Variants in PDE8A observed in about 807,000 individuals in gnomAD.
The protein encoded by PDE8A is phosphodiesterase 8A, also known as high affinity cAMP-specific and IBMX-insensitive 3',5'-cyclic phosphodiesterase 8A.
Under a neutral mutation model 105.0 loss-of-function variants are expected in PDE8A, and 59 were observed. The observed-to-expected ratio is 0.56, with a 90% CI of 0.46 to 0.70. PDE8A has a LOEUF of 0.70. Ranked by LOEUF, PDE8A falls within the 30% of genes least tolerant of loss-of-function variation. The probability of loss-of-function intolerance (pLI) is 0.00; values close to 1 mark genes in which losing one functional copy is unlikely to be tolerated. For missense variants in PDE8A, 1,014 were observed against 1,045.9 expected, an observed-to-expected ratio of 0.97 and a Z score of 0.42; for synonymous variants, 355 against 371.9, an observed-to-expected ratio of 0.95 and a Z score of 0.52.
intron 1 of PDE8A, among the ~76,000 whole-genome samples, chr15:85,062,133 A>C (rs949029776): frequency 1.3e-5 from 2 of 151,988 alleles, no homozygotes; most frequent in African/African-American, 4.8e-5. Flanking sequence ...TTTTCATTTG[A>C]ATTGGCTGTA....
intron 1 of PDE8A, among the ~76,000 whole-genome samples, chr15:85,046,240 G>C (rs1452968439): frequency 6.6e-6 from 1 of 151,856 alleles, no homozygotes; most frequent in East Asian, 1.9e-4. Flanking sequence ...GTAGAGACAG[G>C]GTTTTACTAT....
intron 11 of PDE8A, among the ~76,000 whole-genome samples, chr15:85,105,887 C>A (rs563924079): frequency 6.6e-6 from 1 of 152,254 alleles, no homozygotes; most frequent in East Asian, 1.9e-4. Context: ...TCATCTTCAA[C>A]CTCTTGGTGT....
At chr15:85,113,551 C>A in intron 13 of PDE8A, 104 bp downstream of exon 13, 2 of 1,004,682 alleles carry the variant, frequency 2.0e-6, no homozygotes, top group Non-Finnish European at 1.6e-6. Flanking sequence ...AATGAGCATG[C>A]TGTCATAGTT....
intron 1 of PDE8A, among the ~76,000 whole-genome samples, chr15:84,985,438 G>A (rs1278065682): frequency 1.3e-5 from 2 of 152,144 alleles, no homozygotes; most frequent in Non-Finnish European, 2.9e-5. Flanking sequence ...CAGTGTGAGT[G>A]AGCCTTAACT....
At chr15:85,030,642 T>G (rs2080599025) in intron 1 of PDE8A, among the ~76,000 whole-genome samples, 1 of 152,192 alleles carries the variant, frequency 6.6e-6, no homozygotes, top group South Asian at 2.1e-4. Context: ...GAATCCTCCA[T>G]TTCAACCATA....
chr15:85,110,500 G>A lies in PDE8A; in HGVS notation c.1114+1370G>A, dbSNP rs185066710. On this transcript the variant is annotated intron_variant, in intron 12 of 21. Transcript: ENST00000394553. ...GAAGCAACCATTGATGGCTAGCACCGTAAATTAATTCGGCCTCTCCTTGTG... is the reference window on the plus strand; with the variant it reads ...GAAGCAACCATTGATGGCTAGCACCATAAATTAATTCGGCCTCTCCTTGTG... Among the ~76,000 whole-genome samples, 159 of 152,274 alleles carry A rather than the reference G, an allele frequency of 1.0e-3. 1 individual carries two copies. The highest frequency in any genetic ancestry group is 3.4e-3 in the African/African-American group (143 of 41,574).
At chr15:85,115,935 A>AAT in intron 15 of PDE8A, 49 bp from the exon 16 acceptor site, 1 of 1,521,288 alleles carries the variant, frequency 6.6e-7, no homozygotes, top group Non-Finnish European at 9.0e-7. Context: ...AAAAAAAAAA[A>AAT]GTTAATCCTT....
intron 6 of PDE8A, among the ~76,000 whole-genome samples, chr15:85,085,108 C>T (rs919274052): frequency 3.3e-5 from 5 of 152,146 alleles, no homozygotes; most frequent in African/African-American, 1.2e-4. Context: ...GATAGGCACC[C>T]ACTGCGTTCA....
chr15:85,005,206 C>T lies in PDE8A; in HGVS notation c.186+22858C>T, dbSNP rs549279254. Among the ~76,000 whole-genome samples the T allele has an allele frequency of 5.0e-4, 76 of 152,192 alleles. 1 individual carries two copies. Among genetic ancestry groups the T allele is most frequent in the South Asian group, 2.1e-4 (1 of 4,814 alleles). ...AGTGGCATGATCACAGCTTGAGCTC[C>T]TGGGCTCAAATGATCCTCTCACCTC... On this transcript the variant is annotated intron_variant, in intron 1 of 21. Coordinates refer to ENST00000394553, the MANE Select transcript of PDE8A (RefSeq NM_002605.3).
chr15:85,111,049 G>A lies in PDE8A; in HGVS notation c.1114+1919G>A, dbSNP rs2082013965. ...AATCCTCTTCTGAAGTGTCATTCAG[G>A]TCTTTTGCCCATTTTTATAATTGGG... On this transcript the variant is annotated intron_variant, in intron 12 of 21. Coordinates refer to ENST00000394553, the MANE Select transcript of PDE8A (RefSeq NM_002605.3). Among the ~76,000 whole-genome samples, 5 of 152,102 alleles carry A rather than the reference G, an allele frequency of 3.3e-5. No individual in the cohort carries two copies. In the South Asian group the frequency reaches 8.3e-4, roughly 25 times the overall value.
intron 6 of PDE8A, among the ~76,000 whole-genome samples, chr15:85,084,124 A>G (rs1486333397): frequency 1.3e-5 from 2 of 152,118 alleles, no homozygotes; most frequent in African/African-American, 2.4e-5. Flanking sequence ...AGAAAAATTA[A>G]TATAATTTTA....
At chr15:85,123,867 CGAAA>C (rs887613080) in intron 19 of PDE8A, among the ~76,000 whole-genome samples, 4 of 152,176 alleles carry the variant, frequency 2.6e-5, no homozygotes, top group Non-Finnish European at 4.4e-5. Context: ...TGGGAAAACT[CGAAA>C]GGAAGGTCAG....
Position 85,117,732 on chromosome 15 carries a change from C to A in PDE8A, c.1627C>A (p.Gln543Lys). 1.2e-6 allele frequency: 2 copies of A among 1,613,886 alleles called. No individual in the cohort carries two copies. Among genetic ancestry groups the A allele is most frequent in the African/African-American group, 1.3e-5 (1 of 75,058 alleles). The change falls in exon 17 of 22, where the codon CAA becomes AAA. Residue 543 changes from glutamine to lysine, a missense_variant. Gln to Lys is a moderately conservative substitution (Grantham distance 53). Transcript: ENST00000394553. ...CGAGTCAACGCTAAGATCATGGTTA[C>A]AAATTATCGAAGCCAATTATCATTC... is the stretch of plus-strand genomic sequence containing the variant. Reference protein sequence around the residue: ...CSESTLRSWLQIIEANYHSSN... With the variant: ...CSESTLRSWLKIIEANYHSSN...
chr15:85,017,246 C>T (rs374846070), intron 1 of PDE8A, among the ~76,000 whole-genome samples: 196 of 142,310 alleles, frequency 1.4e-3, no homozygotes, highest in African/African-American at 4.9e-3. Flanking sequence ...CCGGCCTGGG[C>T]GACAGAGCGA....
At chr15:85,077,357 G>A (rs1040140157) in intron 5 of PDE8A, among the ~76,000 whole-genome samples, 1 of 152,170 alleles carries the variant, frequency 6.6e-6, no homozygotes, top group Non-Finnish European at 1.5e-5. Context: ...GGCTGCAAAT[G>A]AGGCCTTAGG....
At chr15:85,031,150 C>G (rs2080608688) in intron 1 of PDE8A, among the ~76,000 whole-genome samples, 1 of 152,168 alleles carries the variant, frequency 6.6e-6, no homozygotes, top group Admixed American at 6.5e-5. Flanking sequence ...ATAAAATACA[C>G]AAGCTACTAT....
intron 11 of PDE8A, among the ~76,000 whole-genome samples, chr15:85,107,499 G>A (rs2081963842): frequency 6.6e-6 from 1 of 152,216 alleles, no homozygotes; most frequent in African/African-American, 2.4e-5. Flanking sequence ...CAGGGAGGAT[G>A]ACAAATGTCT....
chr15:85,041,759 G>C (rs551027235), intron 1 of PDE8A, among the ~76,000 whole-genome samples: 1 of 152,296 alleles, frequency 6.6e-6, no homozygotes, highest in Admixed American at 6.5e-5. Flanking sequence ...CTGGGCTGTT[G>C]CTGCTATTTG....
intron 1 of PDE8A, among the ~76,000 whole-genome samples, chr15:85,057,719 C>G (rs2081084591): frequency 1.3e-5 from 2 of 152,148 alleles, no homozygotes; most frequent in South Asian, 2.1e-4. Context: ...CCTTCTATTT[C>G]TATTTTGTTG....
Sources: gnomAD v4.1 joint callset for allele counts (sites outside exome capture counted in the v4.1 genomes callset) on GRCh38, gnomAD v4.1.1 for gene constraint, MANE v1.5 for transcripts, NCBI Gene and HGNC (gene_info 2026-07-23, HGNC 2026-07-21) for gene names.